DENND5B: variants seen among roughly 807,000 people sequenced by gnomAD.
DENND5B encodes DENN domain-containing protein 5B.
In DENND5B, 34 loss-of-function variants were observed where a neutral mutation model predicts 140.6. That is an observed-to-expected ratio of 0.24 (90% CI 0.18 to 0.32). The LOEUF (loss-of-function observed/expected upper bound fraction) is 0.32, where lower values mean the gene tolerates loss of function less well. DENND5B is among the 10% of genes least tolerant of loss of function. The pLI, the probability that DENND5B is intolerant of heterozygous loss-of-function variation, is 1.00. For synonymous variants in DENND5B, 551 were observed against 562.1 expected, an observed-to-expected ratio of 0.98 and a Z score of 0.28; for missense variants, 1,142 against 1,560.2, an observed-to-expected ratio of 0.73 and a Z score of 4.52.
At chr12:31,388,928 C>T (rs903860100) in intron 20 of DENND5B, among the ~76,000 whole-genome samples, 4 of 152,170 alleles carry the variant, frequency 2.6e-5, no homozygotes, top group Non-Finnish European at 5.9e-5. Flanking sequence ...AGCCAGTATA[C>T]AGTCATGGTG....
rs188598777 is a variant in DENND5B, at chr12:31,458,291, A to G, written c.1092+1903T>C. On this transcript the variant is annotated intron_variant, in intron 4 of 20. Coordinates refer to ENST00000389082, the MANE Select transcript of DENND5B (RefSeq NM_144973.4). ...TATGAAAAATGGAAAGACAACATAC[A>G]TATAAATTATCTTATAAAATATTAC... is the stretch of plus-strand genomic sequence containing the variant. Among the ~76,000 whole-genome samples the G allele has an allele frequency of 4.1e-3, 630 of 151,918 alleles. 5 individuals are homozygous for G. Among genetic ancestry groups the G allele is most frequent in the African/African-American group, 0.014 (574 of 41,158 alleles).
chr12:31,534,595 A>C (rs12369943), intron 1 of DENND5B: 1 of 168,760 alleles, frequency 5.9e-6, no homozygotes, highest in Non-Finnish European at 1.3e-5. Flanking sequence ...AATAGTAACT[A>C]CCTTACCACT....
Position 31,387,551 on chromosome 12 carries a change from C to T in DENND5B, c.*52G>A, listed in dbSNP as rs746385532. ...ACTGTCAGACAAGTCCAAATCGGTC[C>T]CCTAGTTGGGGAAGGAGCAAGGTTT... is the stretch of plus-strand genomic sequence containing the variant. On this transcript the variant is annotated 3_prime_UTR_variant, in exon 21 of 21. Transcript: ENST00000389082. 2.5e-6 allele frequency: 4 copies of T among 1,575,424 alleles called. No homozygotes were observed. The highest frequency in any genetic ancestry group is 2.3e-5 in the East Asian group (1 of 44,332).
intron 1 of DENND5B, among the ~76,000 whole-genome samples, chr12:31,567,410 TC>T (rs1949668745): frequency 6.6e-6 from 1 of 151,644 alleles, no homozygotes; most frequent in South Asian, 2.1e-4. Flanking sequence ...CCACTACTAT[TC>T]TAATTCAGAA....
chr12:31,572,327 C>A (rs950546091), intron 1 of DENND5B, among the ~76,000 whole-genome samples: 2 of 152,042 alleles, frequency 1.3e-5, no homozygotes, highest in Non-Finnish European at 2.9e-5. Flanking sequence ...GCAAGAATGC[C>A]CCCACGCAAA....
chr12:31,534,824 C>A, intron 1 of DENND5B: 1 of 454,626 alleles, frequency 2.2e-6, no homozygotes, highest in Non-Finnish European at 4.4e-6. Context: ...GTTTTTCAGC[C>A]CTGGTTTGAT....
intron 2 of DENND5B, among the ~76,000 whole-genome samples, chr12:31,490,249 G>A (rs777474077): frequency 6.6e-6 from 1 of 151,844 alleles, no homozygotes; most frequent in Non-Finnish European, 1.5e-5. Flanking sequence ...GAGAGGATGG[G>A]GGTGGCGGGG....
Position 31,452,018 on chromosome 12 carries a change from G to A in DENND5B, c.1551C>T (p.Tyr517=), listed in dbSNP as rs781139554. The A allele has an allele frequency of 1.2e-5, 19 of 1,613,530 alleles. No homozygotes were observed. The highest frequency in any genetic ancestry group is 2.7e-5 in the African/African-American group (2 of 74,888). Residue 517 remains tyrosine (Y), a synonymous_variant, in exon 5 of 21, where the codon TAC becomes TAT. Coordinates refer to ENST00000389082, the MANE Select transcript of DENND5B (RefSeq NM_144973.4). The stretch of plus-strand genomic sequence containing the variant: ...GGGCAGTCTGAATGACAAATGCTTC[G>A]TAATCTGCAAACATCTGTGTAAAAC... ...ANRFTQMFAD[Y]EAFVIQTAQD... is the part of the protein sequence containing the mutation.
intron 3 of DENND5B, among the ~76,000 whole-genome samples, chr12:31,467,068 G>A (rs1284828264): frequency 1.3e-5 from 2 of 149,654 alleles, no homozygotes; most frequent in African/African-American, 2.5e-5. Flanking sequence ...AGAGTTCTAA[G>A]AGAAAAAAAC....
chr12:31,425,880 C>T (rs1402045413), intron 9 of DENND5B, among the ~76,000 whole-genome samples: 1 of 152,204 alleles, frequency 6.6e-6, no homozygotes. Flanking sequence ...CACAAACCTA[C>T]AACACAGCTA....
At chr12:31,531,444 C>T (rs949313273) in intron 1 of DENND5B, among the ~76,000 whole-genome samples, 1 of 152,242 alleles carries the variant, frequency 6.6e-6, no homozygotes, top group African/African-American at 2.4e-5. Context: ...AAGGGATCTG[C>T]CTCAGCCTCC....
rs989376526 is a variant in DENND5B at position 31,551,324 on chromosome 12, T to C, written c.127+39382A>G. Among the ~76,000 whole-genome samples the C allele has an allele frequency of 9.2e-3, 1,407 of 152,300 alleles. 10 individuals carry two copies. Among genetic ancestry groups the C allele is most frequent in the Non-Finnish European group, 0.016 (1,055 of 68,000 alleles). On this transcript the variant is annotated intron_variant, in intron 1 of 20. Transcript: ENST00000389082. ...GCACCATTTATTAAATAGGGAATCC[T>C]TTCCCCATTGCTTGTTTTTCTCAGG...
At position 31,417,501 on chromosome 12, in the gene DENND5B, A is replaced by ATAATACTAAGTATAATACTCAT. The variant is rs1474999233; in HGVS notation, c.2471-2054_2471-2053insATGAGTATTATACTTAGTATTA. 9.0e-4 allele frequency among the ~76,000 whole-genome samples: 137 copies of ATAATACTAAGTATAATACTCAT among 152,274 alleles called. 1 individual carries two copies. The highest frequency in any genetic ancestry group is 9.8e-4 in the Admixed American group (15 of 15,272). ...ATAGACACTAAGTATAATGTCCATGAGTATTCTCTTATGAAGCCTGAATAG... is the reference window on the plus strand; with the variant it reads ...ATAGACACTAAGTATAATGTCCATGATAATACTAAGTATAATACTCATGTATTCTCTTATGAAGCCTGAATAG... On this transcript the variant is annotated intron_variant, in intron 11 of 20. Coordinates refer to ENST00000389082, the MANE Select transcript of DENND5B (RefSeq NM_144973.4).
chr12:31,494,192 CCATCCAT>C (rs1565635443), intron 2 of DENND5B, among the ~76,000 whole-genome samples: 2 of 73,938 alleles, frequency 2.7e-5, no homozygotes, highest in South Asian at 4.6e-4. Flanking sequence ...ATCCATCCAT[CCATCCAT>C]CCACCTACCT....
At chr12:31,403,222 T>A (rs1218881073) in intron 14 of DENND5B, among the ~76,000 whole-genome samples, 1 of 152,144 alleles carries the variant, frequency 6.6e-6, no homozygotes, top group Non-Finnish European at 1.5e-5. Context: ...TCGTGAAGTC[T>A]ATAAACCACA....
intron 3 of DENND5B, among the ~76,000 whole-genome samples, chr12:31,468,228 T>C (rs1279043853): frequency 6.6e-6 from 1 of 152,188 alleles, no homozygotes; most frequent in East Asian, 1.9e-4. Context: ...CATTCCAGTC[T>C]GGGCAACAGA....
In DENND5B at chr12:31,386,803, C is replaced by T. The variant is rs991705747; in HGVS notation, c.*800G>A. ...ACTATGAATCTAACACTGAAATTCA[C>T]ATCTTCCCAAAGTACCTCAAATAAC... On this transcript the variant is annotated 3_prime_UTR_variant, in exon 21 of 21. Coordinates refer to ENST00000389082, the MANE Select transcript of DENND5B (RefSeq NM_144973.4). 3 of 152,184 alleles carry T rather than the reference C, an allele frequency of 2.0e-5. No individual in the cohort carries two copies. Among genetic ancestry groups the T allele is most frequent in the Admixed American group, 2.0e-4 (3 of 15,280 alleles). 9.4% of individuals were successfully genotyped at this position (152,184 alleles called of 1,614,324 possible).
chr12:31,423,046 T>C (rs1324262262), intron 11 of DENND5B, among the ~76,000 whole-genome samples: 2 of 151,818 alleles, frequency 1.3e-5, no homozygotes, highest in Non-Finnish European at 2.9e-5. Context: ...GTTCAAGCGA[T>C]TCTCCTGCCT....
chr12:31,471,611 C>T (rs1258298291), intron 3 of DENND5B, among the ~76,000 whole-genome samples: 2 of 151,888 alleles, frequency 1.3e-5, no homozygotes, highest in Non-Finnish European at 2.9e-5. Flanking sequence ...CTGCCCTCAA[C>T]AGAAACCAGG....
Sources: gnomAD v4.1 joint callset for allele counts (sites outside exome capture counted in the v4.1 genomes callset) on GRCh38, gnomAD v4.1.1 for gene constraint, MANE v1.5 for transcripts, NCBI Gene and HGNC (gene_info 2026-07-23, HGNC 2026-07-21) for gene names.